CIT: variants seen among roughly 807,000 people sequenced by gnomAD.
CIT encodes citron rho-interacting serine/threonine kinase.
Under a neutral mutation model 272.7 loss-of-function variants are expected in CIT, and 79 were observed. The ratio of observed to expected loss-of-function variants is 0.29; its 90% CI spans 0.24 to 0.35. The LOEUF (loss-of-function observed/expected upper bound fraction) is 0.35, where lower values mean the gene tolerates loss of function less well. Among genes scored for constraint, CIT ranks in the 10% least tolerant of loss-of-function variants. CIT has a pLI of 1.00. For synonymous variants in CIT, 948 were observed against 995.6 expected, an observed-to-expected ratio of 0.95 and a Z score of 0.90; for missense variants, 1,909 against 2,618.3, an observed-to-expected ratio of 0.73 and a Z score of 5.91.
intron 39 of CIT, among the ~76,000 whole-genome samples, chr12:119,709,775 AGAGAGAGAGAGAGTGTGTGTGTGT>A (rs1957060543): frequency 1.7e-5 from 1 of 57,910 alleles, no homozygotes; most frequent in Admixed American, 2.1e-4. Flanking sequence ...AGAGAGAGAG[AGAGAGAGAGAGAGTGTGTGTGTGT>A]GTGTGTGTGT....
At chr12:119,798,208 T>C (rs966563066) in intron 10 of CIT, among the ~76,000 whole-genome samples, 3 of 152,108 alleles carry the variant, frequency 2.0e-5, no homozygotes, top group African/African-American at 7.2e-5. Flanking sequence ...AATCCCAGCA[T>C]TTAGACCTGC....
chr12:119,876,403 G>C (rs1566159833), intron 1 of CIT, among the ~76,000 whole-genome samples: 1 of 152,132 alleles, frequency 6.6e-6, no homozygotes, highest in Non-Finnish European at 1.5e-5. Context: ...TTATAAATGT[G>C]TTTATTATCT....
chr12:119,734,196 C>A lies in CIT; in HGVS notation c.3318G>T (p.Leu1106=). 6.2e-7 allele frequency: 1 copy of A among 1,613,512 alleles called. No homozygotes were observed. The highest frequency in any genetic ancestry group is 8.5e-7 in the Non-Finnish European group (1 of 1,179,918). ...GTTTCTCGGTGTCCAGCATTCTCTG[C>A]AGCTCTCGAACCCGACACTCAAACT... ...KSQFECRVRE[L]QRMLDTEKQS... The change falls in exon 26 of 48, where the codon CTG becomes CTT. Residue 1106 remains leucine, a synonymous_variant. Transcript: ENST00000392521.
intron 19 of CIT, among the ~76,000 whole-genome samples, chr12:119,766,672 T>G (rs988160092): frequency 1.3e-5 from 2 of 152,178 alleles, no homozygotes; most frequent in African/African-American, 4.8e-5. Flanking sequence ...TTTGAGGGGA[T>G]GGACACCCCA....
chr12:119,717,009 T>C (rs1028810292), intron 32 of CIT, among the ~76,000 whole-genome samples: 2 of 152,214 alleles, frequency 1.3e-5, no homozygotes, highest in Non-Finnish European at 2.9e-5. Flanking sequence ...TAGTGTGCTA[T>C]GATATTTATA....
intron 9 of CIT, among the ~76,000 whole-genome samples, chr12:119,818,423 T>C (rs1967394471): frequency 1.3e-5 from 2 of 152,214 alleles, no homozygotes; most frequent in Admixed American, 1.3e-4. Context: ...AACCAAAGAC[T>C]GTCTTCCCTC....
intron 13 of CIT, among the ~76,000 whole-genome samples, chr12:119,778,222 G>C (rs934265377): frequency 6.6e-6 from 1 of 152,158 alleles, no homozygotes; most frequent in African/African-American, 2.4e-5. Context: ...TTTCCAAAAT[G>C]CATTTCTAAA....
intron 28 of CIT, among the ~76,000 whole-genome samples, chr12:119,722,525 G>T (rs1957855283): frequency 6.6e-6 from 1 of 151,960 alleles, no homozygotes; most frequent in African/African-American, 2.4e-5. Flanking sequence ...TTCCTCACCT[G>T]CCCTTCCTCT....
chr12:119,698,168 C>T, intron 44 of CIT, 114 bp from the exon 45 acceptor site: 1 of 879,774 alleles, frequency 1.1e-6, no homozygotes, highest in Non-Finnish European at 1.9e-6. Flanking sequence ...AAGCAACTCA[C>T]CCAACAAATA....
At chr12:119,814,426 G>A (rs558306296) in intron 9 of CIT, among the ~76,000 whole-genome samples, 7 of 152,068 alleles carry the variant, frequency 4.6e-5, no homozygotes, top group South Asian at 2.1e-4. Context: ...AGTAGGTGGC[G>A]CCCACACGCT....
At chr12:119,777,499 G>A (rs377434791) in intron 13 of CIT, among the ~76,000 whole-genome samples, 6 of 151,812 alleles carry the variant, frequency 4.0e-5, no homozygotes, top group Non-Finnish European at 7.4e-5. Context: ...GTGAAATCCC[G>A]TCTCTACTAA....
chr12:119,721,519 A>T (rs1274497970), intron 28 of CIT, 70 bp from the exon 29 acceptor site: 1 of 1,382,696 alleles, frequency 7.2e-7, no homozygotes, highest in Non-Finnish European at 9.7e-7. Context: ...TGCTGTTCCT[A>T]TTTCAAACTA....
intron 3 of CIT, among the ~76,000 whole-genome samples, chr12:119,863,660 G>A (rs1950431077): frequency 6.6e-6 from 1 of 151,820 alleles, no homozygotes; most frequent in African/African-American, 2.4e-5. Flanking sequence ...CTGAGTAGCT[G>A]GGACTACAAG....
At chr12:119,743,137 T>C (rs1959142533) in intron 23 of CIT, among the ~76,000 whole-genome samples, 1 of 152,044 alleles carries the variant, frequency 6.6e-6, no homozygotes, top group Non-Finnish European at 1.5e-5. Flanking sequence ...CCATGACCCA[T>C]GCCTTCATTC....
chr12:119,707,895 T>C (rs1956962222), intron 40 of CIT, among the ~76,000 whole-genome samples: 1 of 152,244 alleles, frequency 6.6e-6, no homozygotes, highest in Non-Finnish European at 1.5e-5. Flanking sequence ...TTGTTATTAA[T>C]CTTTGAAGCC....
At position 119,822,941 on chromosome 12, in the gene CIT, C is replaced by T. The variant is rs1967842228; in HGVS notation, c.990G>A (p.Val330=). 1 of 1,613,250 alleles carries T rather than the reference C, an allele frequency of 6.2e-7. No individual in the cohort carries two copies. Among genetic ancestry groups the T allele is most frequent in the African/African-American group, 1.3e-5 (1 of 74,860 alleles). Residue 330 remains valine, a synonymous_variant, in exon 9 of 48, where the codon GTG becomes GTA. Coordinates refer to ENST00000392521, the MANE Select transcript of CIT (RefSeq NM_001206999.2). Reference sequence around the variant, plus strand: ...GAATCAGATCAAGAAAGTCACTGCTCACTTTGGGGTCATCTGGAAATTTCA... The same window carrying T: ...GAATCAGATCAAGAAAGTCACTGCTTACTTTGGGGTCATCTGGAAATTTCA... ...RFLKFPDDPK[V]SSDFLDLIQS...
intron 5 of CIT, among the ~76,000 whole-genome samples, chr12:119,843,488 G>C (rs1398061266): frequency 6.6e-6 from 1 of 152,164 alleles, no homozygotes; most frequent in African/African-American, 2.4e-5. Context: ...ATAGGAGGTA[G>C]AATCCTGTTG....
intron 9 of CIT, among the ~76,000 whole-genome samples, chr12:119,821,560 GACTT>G (rs1223118487): frequency 1.3e-5 from 2 of 152,114 alleles, no homozygotes; most frequent in East Asian, 3.9e-4. Flanking sequence ...ACCATTCACT[GACTT>G]ACTTAAGTGG....
intron 9 of CIT, among the ~76,000 whole-genome samples, chr12:119,811,381 T>G (rs982910712): frequency 2.0e-5 from 3 of 152,192 alleles, no homozygotes; most frequent in African/African-American, 7.2e-5. Context: ...TCAAAAATTA[T>G]CCCATCTCTT....
Sources: allele counts gnomAD v4.1 joint callset (sites outside exome capture counted in the v4.1 genomes callset), GRCh38; gene constraint gnomAD v4.1.1; transcripts MANE v1.5; gene names NCBI Gene and HGNC (gene_info 2026-07-23, HGNC 2026-07-21).